Variants in IGFBP7 observed in about 807,000 individuals in gnomAD.
The protein encoded by IGFBP7 is insulin-like growth factor-binding protein 7.
A neutral mutation model predicts 29.4 loss-of-function variants in IGFBP7; 31 were observed. The observed-to-expected ratio is 1.05, with a 90% confidence interval of 0.79 to 1.42. The LOEUF is 1.42. IGFBP7 is among the 40% of genes most tolerant of loss of function. IGFBP7 has a pLI of 0.00. For synonymous variants in IGFBP7, 172 were observed against 174.9 expected, an observed-to-expected ratio of 0.98 and a Z score of 0.13; for missense variants, 393 against 395.5, an observed-to-expected ratio of 0.99 and a Z score of 0.05.
At chr4:57,088,771 G>T (rs1725560996) in intron 1 of IGFBP7, among the ~76,000 whole-genome samples, 1 of 152,070 alleles carries the variant, frequency 6.6e-6, no homozygotes, top group South Asian at 2.1e-4. Context: ...GCTCACGTCT[G>T]TAATCCCAGC....
At chr4:57,087,203 G>A (rs1438566486) in intron 1 of IGFBP7, among the ~76,000 whole-genome samples, 1 of 152,234 alleles carries the variant, frequency 6.6e-6, no homozygotes, top group Non-Finnish European at 1.5e-5. Context: ...AGTGATAAAT[G>A]AGTCATTCTT....
At chr4:57,095,751 A>C (rs902125444) in intron 1 of IGFBP7, among the ~76,000 whole-genome samples, 1 of 152,166 alleles carries the variant, frequency 6.6e-6, no homozygotes, top group Admixed American at 6.5e-5. Flanking sequence ...TAATTTGAGA[A>C]GATGCCCATC....
rs1016174161 is a variant in IGFBP7 at position 57,066,178 on chromosome 4, G to A, written c.476-25245C>T. Among the ~76,000 whole-genome samples the A allele has an allele frequency of 7.2e-5, 11 of 152,304 alleles. No homozygotes were observed. The South Asian group carries it at 8.3e-4, about 11-fold the overall frequency. On this transcript the variant is annotated intron_variant, in intron 1 of 4. Coordinates refer to ENST00000295666, the MANE Select transcript of IGFBP7 (RefSeq NM_001553.3). ...GTACTTAGTGACTTACTCTGGTGAC[G>A]CACTTGAATAAAATACAGTGGGAGG...
chr4:57,062,337 AG>A (rs1195760602), intron 1 of IGFBP7, among the ~76,000 whole-genome samples: 1 of 152,246 alleles, frequency 6.6e-6, no homozygotes, highest in African/African-American at 2.4e-5. Context: ...CAAGCTACCA[AG>A]ATAGAAAGAA....
chr4:57,093,331 T>A (rs1387482050), intron 1 of IGFBP7, among the ~76,000 whole-genome samples: 1 of 152,068 alleles, frequency 6.6e-6, no homozygotes, highest in Non-Finnish European at 1.5e-5. Context: ...TGAAACCCTA[T>A]CTCTAGTAAA....
At chr4:57,094,517 T>G (rs1411243020) in intron 1 of IGFBP7, among the ~76,000 whole-genome samples, 2 of 152,158 alleles carry the variant, frequency 1.3e-5, no homozygotes, top group African/African-American at 2.4e-5. Flanking sequence ...GAAAACTTAA[T>G]GAACTCTACA....
rs754106735 is a variant in IGFBP7 at position 57,032,692 on chromosome 4, C to T, written c.703-140G>A. On this transcript the variant is annotated intron_variant, in intron 3 of 4. Coordinates refer to ENST00000295666, the MANE Select transcript of IGFBP7 (RefSeq NM_001553.3). ...AGGTACTGCTAGAAGCAGTGCAAGT[C>T]CTGTGATAGGAGACTTCGATAACTA... 1.2e-5 allele frequency: 9 copies of T among 727,532 alleles called. No individual in the cohort carries two copies. The Middle Eastern group carries it at 1.1e-3, about 88-fold the overall frequency. 45.1% of individuals were successfully genotyped at this position (727,532 alleles called of 1,614,324 possible). A position where few individuals can be genotyped will look rare whatever the true frequency, so the allele number is the denominator to read the frequency against.
chr4:57,058,915 C>T (rs1724733834), intron 1 of IGFBP7, among the ~76,000 whole-genome samples: 1 of 152,084 alleles, frequency 6.6e-6, no homozygotes, highest in Non-Finnish European at 1.5e-5. Context: ...AAAACCAACC[C>T]CATTAAAAAG....
chr4:57,072,948 A>C, intron 1 of IGFBP7: 1 of 798,422 alleles, frequency 1.3e-6, no homozygotes, highest in South Asian at 1.3e-5. Flanking sequence ...GACATCCTGA[A>C]GGACAAGTGG....
intron 1 of IGFBP7, among the ~76,000 whole-genome samples, chr4:57,104,761 A>G (rs187806953): frequency 6.6e-6 from 1 of 152,136 alleles, no homozygotes; most frequent in East Asian, 1.9e-4. Context: ...ATTTGGGGGG[A>G]AAAGTTACCA....
chr4:57,049,005 T>C (rs1724435490), intron 1 of IGFBP7, among the ~76,000 whole-genome samples: 1 of 152,194 alleles, frequency 6.6e-6, no homozygotes, highest in Non-Finnish European at 1.5e-5. Context: ...TCAAAGATGC[T>C]TTGACATTTA....
At position 57,030,821 on chromosome 4, in the gene IGFBP7, C is replaced by G; in HGVS notation, c.*496G>C. The G allele has an allele frequency of 1.2e-6, 1 of 806,736 alleles. No individual in the cohort carries two copies. Among genetic ancestry groups the G allele is most frequent in the East Asian group, 2.4e-5 (1 of 40,976 alleles). 50.0% of individuals were successfully genotyped at this position (806,736 alleles called of 1,614,324 possible). On this transcript the variant is annotated 3_prime_UTR_variant, in exon 5 of 5. Transcript: ENST00000295666. ...TTATTCATTATCTACAGTACCAGAT[C>G]TTTGTCTTTTTCTGGGGTAGAGAAG...
intron 1 of IGFBP7, among the ~76,000 whole-genome samples, chr4:57,084,789 T>TTG (rs1491199341): frequency 1.3e-5 from 1 of 74,854 alleles, no homozygotes; most frequent in African/African-American, 6.1e-5. Context: ...TTAAAAAAGG[T>TTG]TTTTTTTTTT....
At chr4:57,074,728 T>A (rs1195896614) in intron 1 of IGFBP7, among the ~76,000 whole-genome samples, 1 of 152,192 alleles carries the variant, frequency 6.6e-6, no homozygotes, top group African/African-American at 2.4e-5. Flanking sequence ...TTTTAAGTCT[T>A]TCAATTAAAA....
chr4:57,106,548 G>T (rs1010707169), intron 1 of IGFBP7, among the ~76,000 whole-genome samples: 5 of 152,162 alleles, frequency 3.3e-5, no homozygotes, highest in African/African-American at 1.2e-4. Flanking sequence ...CAAAATAATA[G>T]AATGGAGTTA....
chr4:57,039,911 C>T (rs1724178112), intron 2 of IGFBP7, among the ~76,000 whole-genome samples: 1 of 150,024 alleles, frequency 6.7e-6, no homozygotes, highest in African/African-American at 2.5e-5. Context: ...CAGGCATGTG[C>T]TACTGCACCC....
intron 1 of IGFBP7, among the ~76,000 whole-genome samples, chr4:57,078,127 C>G (rs956860269): frequency 2.0e-5 from 3 of 152,140 alleles, no homozygotes; most frequent in Non-Finnish European, 4.4e-5. Context: ...CCACCCACCC[C>G]ACCCAACTGT....
chr4:57,073,122 A>G (rs1177680103), intron 1 of IGFBP7: 1 of 1,596,244 alleles, frequency 6.3e-7, no homozygotes, highest in African/African-American at 1.3e-5. Context: ...GTCACCAGCC[A>G]GGAGCCCTGA....
At chr4:57,077,875 T>A (rs1316414757) in intron 1 of IGFBP7, among the ~76,000 whole-genome samples, 6 of 152,218 alleles carry the variant, frequency 3.9e-5, no homozygotes, top group African/African-American at 1.4e-4. Flanking sequence ...CACTCAGGCC[T>A]CGTGGAGTGT....
Sources: gnomAD v4.1 joint callset for allele counts (sites outside exome capture counted in the v4.1 genomes callset) on GRCh38, gnomAD v4.1.1 for gene constraint, MANE v1.5 for transcripts, NCBI Gene and HGNC (gene_info 2026-07-23, HGNC 2026-07-21) for gene names.